The following DHX36 variants were observed in gnomAD, a reference collection of about 807,000 sequenced individuals.
DHX36 encodes the protein DEAH-box helicase 36.
A neutral mutation model predicts 139.0 loss-of-function variants in DHX36; 50 were observed. That is an observed-to-expected ratio of 0.36 (90% confidence interval 0.29 to 0.46). DHX36 has a LOEUF of 0.46. Ranked by LOEUF, DHX36 falls within the 20% of genes least tolerant of loss-of-function variation. The pLI, the probability that DHX36 is intolerant of heterozygous loss-of-function variation, is 1.00. For missense variants in DHX36, 1,024 were observed against 1,211.3 expected (o/e 0.85, Z 2.29); for synonymous variants, 425 against 401.9 (o/e 1.06, Z -0.69).
intron 9 of DHX36, among the ~76,000 whole-genome samples, chr3:154,302,181 T>G (rs761061005): frequency 3.3e-5 from 5 of 151,282 alleles, no homozygotes; most frequent in Non-Finnish European, 5.9e-5. Context: ...ACAGGAGAGA[T>G]AGTAAGGACC....
In DHX36 at chr3:154,315,197, T is replaced by C. The variant is rs1712923625; in HGVS notation, c.452A>G (p.Glu151Gly). The C allele has an allele frequency of 2.5e-6, 4 of 1,613,576 alleles. No individual in the cohort carries two copies. Among genetic ancestry groups the C allele is most frequent in the South Asian group, 2.2e-5 (2 of 91,044 alleles). Residue 151 changes from glutamate (E) to glycine (G), a missense_variant, in exon 3 of 25, where the codon GAA (glutamate) becomes GGA (glycine). By Grantham distance (98) the Glu-to-Gly change is moderately conservative. Coordinates refer to ENST00000496811, the MANE Select transcript of DHX36 (RefSeq NM_020865.3). Reference sequence around the variant, plus strand: ...GTTCCTGATTCTAAACATTTTTTTTTCTTGATTTATCAACTTCTTTTCCTG... The same window carrying C: ...GTTCCTGATTCTAAACATTTTTTTTCCTTGATTTATCAACTTCTTTTCCTG... ...DIQEKKLINQ[E>G]KKMFRIRNRS...
chr3:154,312,900 T>TATATATATATATATATAA (rs1331669290), intron 3 of DHX36, among the ~76,000 whole-genome samples: 2 of 67,600 alleles, frequency 3.0e-5, no homozygotes, highest in East Asian at 6.0e-4. Flanking sequence ...TATATATATA[T>TATATATATATATATATAA]AAAATAAATA....
Position 154,280,337 on chromosome 3 carries a change from G to A in DHX36, c.2567+242C>T. 4 of 413,882 alleles carry A rather than the reference G, an allele frequency of 9.7e-6. No homozygotes were observed. The South Asian group carries it at 1.9e-4, about 20-fold the overall frequency. The allele number at this position is 413,882 out of a possible 1,614,324, so 25.6% of individuals were successfully genotyped here. On this transcript the variant is annotated intron_variant, in intron 22 of 24. Coordinates refer to ENST00000496811, the MANE Select transcript of DHX36 (RefSeq NM_020865.3). ...GCTGGCTCTTCTAATATTTACACTG[G>A]TATCATGTGGTAGCATTCTTTGTGA...
Position 154,300,982 on chromosome 3 carries a change from C to T in DHX36, c.1358+5G>A, listed in dbSNP as rs144881780. The T allele has an allele frequency of 1.6e-4, 255 of 1,609,514 alleles. 1 individual carries two copies. In the African/African-American group the frequency reaches 2.9e-3, roughly 19 times the overall value. On this transcript the variant is annotated splice_donor_5th_base_variant and intron_variant, in intron 10 of 24. Coordinates refer to ENST00000496811, the MANE Select transcript of DHX36 (RefSeq NM_020865.3). ...ATTTCTCACCTTCAGACAAAATAAA[C>T]TTACCTTCTTCGCAGTTCCCTTACA...
In DHX36 at chr3:154,283,288, TGAA is replaced by T; in HGVS notation, c.2293-20_2293-18del. On this transcript the variant is annotated intron_variant, in intron 19 of 24. Transcript: ENST00000496811. The stretch of plus-strand genomic sequence containing the variant: ...TTCCCAGCCCTATGGGGCAAAGAAA[TGAA>T]GAAATCTATATTTCTCCCGCAAACA... 6.4e-7 allele frequency: 1 copy of T among 1,568,492 alleles called. No individual in the cohort carries two copies. Among genetic ancestry groups the T allele is most frequent in the Non-Finnish European group, 8.8e-7 (1 of 1,139,604 alleles).
chr3:154,299,762 T>C, intron 12 of DHX36, 76 bp downstream of exon 12: 1 of 1,109,062 alleles, frequency 9.0e-7, no homozygotes, highest in East Asian at 2.4e-5. Context: ...CTTCTTTGAA[T>C]AAAAGAAAAA....
chr3:154,306,126 T>C (rs1712491959), intron 6 of DHX36, 90 bp downstream of exon 6: 8 of 1,003,394 alleles, frequency 8.0e-6, no homozygotes, highest in South Asian at 6.9e-5. Flanking sequence ...ATAACCATCA[T>C]AAAAATGGGG....
chr3:154,304,231 G>T (rs1712414736), intron 8 of DHX36, among the ~76,000 whole-genome samples: 1 of 152,052 alleles, frequency 6.6e-6, no homozygotes, highest in South Asian at 2.1e-4. Context: ...TCCTTCACAA[G>T]TATAAGCAGG....
intron 1 of DHX36, among the ~76,000 whole-genome samples, chr3:154,320,787 G>A (rs566498409): frequency 4.6e-5 from 7 of 152,198 alleles, no homozygotes; most frequent in Admixed American, 1.3e-4. Flanking sequence ...CACTGCCAAC[G>A]TGCTAATTCA....
chr3:154,307,208 T>G (rs2108357467), intron 5 of DHX36, among the ~76,000 whole-genome samples: 1 of 152,098 alleles, frequency 6.6e-6, no homozygotes, highest in South Asian at 2.1e-4. Context: ...TGGACATTGG[T>G]CTAGGCAAAG....
In DHX36 at chr3:154,277,762, T is replaced by C. The variant is rs776512493; in HGVS notation, c.2568-44A>G. On this transcript the variant is annotated intron_variant, in intron 22 of 24. Coordinates refer to ENST00000496811, the MANE Select transcript of DHX36 (RefSeq NM_020865.3). ...TGCAGTTTGTTAAAAAGAAGTCTTC[T>C]AGAGGATTTTCTTTTTTTACACTAC... is the stretch of plus-strand genomic sequence containing the variant. The C allele has an allele frequency of 3.3e-6, 5 of 1,516,052 alleles. No homozygotes were observed. In the East Asian group the frequency reaches 1.1e-4, roughly 35 times the overall value. The allele number at this position is 1,516,052 out of a possible 1,614,324, so 93.9% of individuals were successfully genotyped here.
rs1259931668 is a variant in DHX36, at chr3:154,299,854, T to G, written c.1533A>C (p.Gln511His). 3 of 1,611,586 alleles carry G rather than the reference T, an allele frequency of 1.9e-6. No individual in the cohort carries two copies. The highest frequency in any genetic ancestry group is 1.7e-6 in the Non-Finnish European group (2 of 1,177,736). The change falls in exon 12 of 25, where the codon CAA (glutamine) becomes CAC (histidine). Residue 511 changes from glutamine (Q) to histidine (H), a missense_variant. Transcript: ENST00000496811. ...ISTLHDLLMS[Q>H]VMFKSDKFLI... is the part of the protein sequence containing the mutation. ...ACATAGTACCTGATTTAAACATTAC[T>G]TGTGACATCAAGAGATCATGTAAAG...
At chr3:154,288,147 CAAAAAAA>C (rs34632439) in intron 17 of DHX36, among the ~76,000 whole-genome samples, 191 of 53,374 alleles carry the variant, frequency 3.6e-3, no homozygotes, top group African/African-American at 0.015. Context: ...GACTCTGTCT[CAAAAAAA>C]AAAAAAAAAA....
At chr3:154,324,126 A>C in intron 1 of DHX36, 48 bp downstream of exon 1, 1 of 1,542,728 alleles carries the variant, frequency 6.5e-7, no homozygotes, top group Non-Finnish European at 8.8e-7. Context: ...GGGAGAGAGA[A>C]GAAAACCTGT....
At chr3:154,300,835 C>T in intron 10 of DHX36, 139 bp from the exon 11 acceptor site, 1 of 1,304,452 alleles carries the variant, frequency 7.7e-7, no homozygotes. Context: ...GTAATTACTG[C>T]TTAAAAGTCA....
intron 24 of DHX36, 82 bp downstream of exon 24, chr3:154,276,665 T>C (rs1294250253): frequency 1.5e-6 from 2 of 1,341,496 alleles, no homozygotes; most frequent in South Asian, 1.3e-5. Flanking sequence ...GAAATGTTAA[T>C]CTATTTAACA....
Position 154,279,491 on chromosome 3 carries a change from G to A in DHX36, c.2567+1088C>T, listed in dbSNP as rs553462670. Reference sequence around the variant, plus strand: ...CACATACAAAAAAATTTCTGGCCAAGTATTATTTTGAAAAAGTACTTAGGT... The same window carrying A: ...CACATACAAAAAAATTTCTGGCCAAATATTATTTTGAAAAAGTACTTAGGT... On this transcript the variant is annotated intron_variant, in intron 22 of 24. Coordinates refer to ENST00000496811, the MANE Select transcript of DHX36 (RefSeq NM_020865.3). 3.3e-5 allele frequency: 5 copies of A among 152,280 alleles called. No homozygotes were observed. In the East Asian group the frequency reaches 9.7e-4, roughly 29 times the overall value. 9.4% of individuals were successfully genotyped at this position (152,280 alleles called of 1,614,324 possible).
chr3:154,281,426 T>TA, intron 20 of DHX36, among the ~76,000 whole-genome samples: 1 of 152,150 alleles, frequency 6.6e-6, no homozygotes, highest in South Asian at 2.1e-4. Context: ...CATAGAAAAG[T>TA]ACTTCCCTTG....
rs1049383984 is a variant in DHX36 at position 154,289,712 on chromosome 3, T to A, written c.1929A>T (p.Ile643=). 3.8e-6 allele frequency: 6 copies of A among 1,578,262 alleles called. No individual in the cohort carries two copies. The highest frequency in any genetic ancestry group is 1.4e-5 in the African/African-American group (1 of 74,062). ...RTPLEELCLQ[I]KILRLGGIAY... is the part of the protein sequence containing the mutation. Reference sequence around the variant, plus strand: ...TTCATTCTCCCACCTAATTTACCTTTATTTGTAAACAAAGTTCTTCCAAAG... The same window carrying A: ...TTCATTCTCCCACCTAATTTACCTTAATTTGTAAACAAAGTTCTTCCAAAG... Residue 643 remains isoleucine (I), a synonymous_variant, in exon 16 of 25, where the codon ATA becomes ATT. Coordinates refer to ENST00000496811, the MANE Select transcript of DHX36 (RefSeq NM_020865.3).
Sources: gnomAD v4.1 joint callset for allele counts (sites outside exome capture counted in the v4.1 genomes callset) on GRCh38, gnomAD v4.1.1 for gene constraint, MANE v1.5 for transcripts, NCBI Gene and HGNC (gene_info 2026-07-23, HGNC 2026-07-21) for gene names.